The following BCL7A variants were observed in gnomAD, a reference collection of about 807,000 sequenced individuals.
BCL7A encodes B-cell CLL/lymphoma 7 protein family member A.
BCL7A carries 11 observed loss-of-function variants against 28.4 expected under a neutral mutation model. That is an observed-to-expected ratio of 0.39 (90% CI 0.24 to 0.64). The LOEUF (loss-of-function observed/expected upper bound fraction) is 0.64, where lower values mean the gene tolerates loss of function less well. BCL7A is among the 30% of genes least tolerant of loss of function. The probability of loss-of-function intolerance (pLI) is 0.50; values close to 1 mark genes in which losing one functional copy is unlikely to be tolerated. For synonymous variants in BCL7A, 123 were observed against 103.3 expected (o/e 1.19, Z -1.15); for missense variants, 222 against 274.8 (o/e 0.81, Z 1.36).
intron 1 of BCL7A, among the ~76,000 whole-genome samples, chr12:122,026,859 G>A (rs1039448427): frequency 6.6e-6 from 1 of 151,458 alleles, no homozygotes; most frequent in Non-Finnish European, 1.5e-5. Flanking sequence ...GAGAACATTC[G>A]AAATTGGCCT....
chr12:122,022,234 A>G (rs907793530), intron 1 of BCL7A, 51 bp downstream of exon 1: 30 of 1,297,212 alleles, frequency 2.3e-5, no homozygotes, highest in Non-Finnish European at 3.0e-5. Flanking sequence ...CCCGAGCCCG[A>G]GCGCGGCTCC....
rs530834811 is a variant in BCL7A at position 122,029,792 on chromosome 12, G to A, written c.93-908G>A. Among the ~76,000 whole-genome samples the A allele has an allele frequency of 2.7e-4, 41 of 152,266 alleles. No individual in the cohort carries two copies. The East Asian group carries it at 3.5e-3, about 13-fold the overall frequency. ...GGTGTGGCTGCTGGGTCTTCGTGGCGGTAAGGGACAAGTCGGAGTGCAGGG... is the reference window on the plus strand; with the variant it reads ...GGTGTGGCTGCTGGGTCTTCGTGGCAGTAAGGGACAAGTCGGAGTGCAGGG... On this transcript the variant is annotated intron_variant, in intron 1 of 5. Coordinates refer to ENST00000261822, the MANE Select transcript of BCL7A (RefSeq NM_001024808.3). This position sits in a 1 kb window ranked among gnomAD's most constrained non-coding sequence, Gnocchi z 4.3.
intron 4 of BCL7A, among the ~76,000 whole-genome samples, chr12:122,050,164 A>G (rs1304153559): frequency 6.6e-6 from 1 of 152,114 alleles, no homozygotes; most frequent in African/African-American, 2.4e-5. Flanking sequence ...TATTTTTAGC[A>G]GAGACAGGGT....
intron 3 of BCL7A, among the ~76,000 whole-genome samples, chr12:122,039,321 AT>A (rs1342363750): frequency 5.0e-4 from 73 of 147,222 alleles, no homozygotes; most frequent in Admixed American, 2.1e-3. Flanking sequence ...AAAAAAAAAA[AT>A]AATAATAATA....
intron 4 of BCL7A, 198 bp downstream of exon 4, chr12:122,044,251 G>A (rs1322697817): frequency 3.3e-6 from 2 of 614,610 alleles, no homozygotes; most frequent in Admixed American, 6.5e-5. Flanking sequence ...GCTCATGCCT[G>A]TAATCCCTGC....
rs1483785428 is a variant in BCL7A at position 122,043,449 on chromosome 12, C to T, written c.272-437C>T. Among the ~76,000 whole-genome samples, 3 of 151,558 alleles carry T rather than the reference C, an allele frequency of 2.0e-5. No individual in the cohort carries two copies. In the East Asian group the frequency reaches 5.9e-4, roughly 30 times the overall value. On this transcript the variant is annotated intron_variant, in intron 3 of 5. Coordinates refer to ENST00000261822, the MANE Select transcript of BCL7A (RefSeq NM_001024808.3). The stretch of plus-strand genomic sequence containing the variant: ...AGGGGGCGGGAGTGAGCTCAGGGGT[C>T]CCAGGAGGAGGCGTATCCAGTATCC...
At position 122,059,913 on chromosome 12, in the gene BCL7A, G is replaced by A. The variant is rs919870946; in HGVS notation, c.*750G>A. The A allele has an allele frequency of 4.3e-6, 1 of 232,724 alleles. No individual in the cohort carries two copies. 14.4% of individuals were successfully genotyped at this position (232,724 alleles called of 1,614,324 possible). A position where few individuals can be genotyped will look rare whatever the true frequency, so the allele number is the denominator to read the frequency against. The stretch of plus-strand genomic sequence containing the variant: ...GCTCTCCCCTCCTTGGGGCGTTTAG[G>A]ACTGGGCGTCTCCAAGCCCACCATG... On this transcript the variant is annotated 3_prime_UTR_variant, in exon 6 of 6. Transcript: ENST00000261822. This position sits in a 1 kb window ranked among gnomAD's most constrained non-coding sequence, Gnocchi z 4.0.
rs1271415550 is a variant in BCL7A at position 122,043,046 on chromosome 12, A to C, written c.272-840A>C. The stretch of plus-strand genomic sequence containing the variant: ...TTAAATATGATACTGACTTTAAGGG[A>C]GTGGACCACGTGTCCCGTGGAATAT... On this transcript the variant is annotated intron_variant, in intron 3 of 5. Transcript: ENST00000261822. Among the ~76,000 whole-genome samples, 7 of 149,340 alleles carry C rather than the reference A, an allele frequency of 4.7e-5. No homozygotes were observed. In the East Asian group the frequency reaches 1.4e-3, roughly 29 times the overall value.
At chr12:122,039,441 G>A (rs1439899945) in intron 3 of BCL7A, among the ~76,000 whole-genome samples, 1 of 146,274 alleles carries the variant, frequency 6.8e-6, no homozygotes, top group Admixed American at 6.9e-5. Context: ...AACAGTAATT[G>A]CACCACTGCA....
intron 5 of BCL7A, among the ~76,000 whole-genome samples, chr12:122,056,947 C>T (rs976479007): frequency 1.3e-5 from 2 of 152,226 alleles, no homozygotes; most frequent in African/African-American, 4.8e-5. Context: ...CTCGAGGCCT[C>T]TCCTCTGCAA....
Position 122,050,698 on chromosome 12 carries a change from A to T in BCL7A, c.440-4107A>T, listed in dbSNP as rs574957221. 1.2e-4 allele frequency among the ~76,000 whole-genome samples: 18 copies of T among 152,336 alleles called. No homozygotes were observed. In the East Asian group the frequency reaches 3.5e-3, roughly 29 times the overall value. On this transcript the variant is annotated intron_variant, in intron 4 of 5. Transcript: ENST00000261822. ...GGATGACCAGCTACTCGGGAGGCTA[A>T]GGTGGGAGGATCACTTGAGCCTGGG...
intron 2 of BCL7A, among the ~76,000 whole-genome samples, chr12:122,032,464 A>G (rs142893998): frequency 1.4e-4 from 21 of 152,292 alleles, no homozygotes; most frequent in Admixed American, 3.9e-4. Flanking sequence ...GGAATTTCTA[A>G]TCTCGTTTGG....
intron 4 of BCL7A, among the ~76,000 whole-genome samples, chr12:122,052,874 G>A (rs985397873): frequency 7.8e-5 from 11 of 141,636 alleles, no homozygotes; most frequent in South Asian, 2.7e-4. Context: ...TAGTCGGGGG[G>A]GGGGGGGGGT....
At chr12:122,049,069 C>CA (rs61508830) in intron 4 of BCL7A, among the ~76,000 whole-genome samples, 189 of 100,894 alleles carry the variant, frequency 1.9e-3, no homozygotes, top group African/African-American at 6.6e-3. Flanking sequence ...TACACACACA[C>CA]AAAAAAAAAT....
chr12:122,033,140 C>CTT (rs36082754), intron 2 of BCL7A, among the ~76,000 whole-genome samples: 1,624 of 141,426 alleles, frequency 0.011, 30 homozygotes, highest in African/African-American at 0.038. Flanking sequence ...ATAGAAGTCA[C>CTT]TTTTTTTTTT....
chr12:122,061,204 A>G lies in BCL7A; in HGVS notation c.*2041A>G, dbSNP rs1010822956. On this transcript the variant is annotated 3_prime_UTR_variant, in exon 6 of 6. Transcript: ENST00000261822. The stretch of plus-strand genomic sequence containing the variant: ...CTCTGTTTTTGGGAAACGAGAGGCT[A>G]CAACCAAGACAGCTGAAGGAGAATG... The G allele has an allele frequency of 1.7e-5, 4 of 228,990 alleles. No homozygotes were observed. Among genetic ancestry groups the G allele is most frequent in the African/African-American group, 2.2e-5 (1 of 45,126 alleles). The allele number at this position is 228,990 out of a possible 1,614,324, so 14.2% of individuals were successfully genotyped here.
At chr12:122,024,081 C>T (rs910587102) in intron 1 of BCL7A, among the ~76,000 whole-genome samples, 1 of 152,108 alleles carries the variant, frequency 6.6e-6, no homozygotes, top group Non-Finnish European at 1.5e-5. Context: ...CCGCGGGCCC[C>T]GGGGCGGCCG....
intron 1 of BCL7A, 123 bp from the exon 2 acceptor site, chr12:122,030,577 G>A (rs975782211): frequency 2.6e-5 from 23 of 869,420 alleles, no homozygotes; most frequent in Non-Finnish European, 4.3e-5. Context: ...TAGTGAGGGT[G>A]GAGCTGGGAT....
intron 5 of BCL7A, among the ~76,000 whole-genome samples, chr12:122,055,746 G>A (rs1462401275): frequency 6.6e-6 from 1 of 152,160 alleles, no homozygotes; most frequent in African/African-American, 2.4e-5. Flanking sequence ...AGCCTCCCAA[G>A]TAGGTGGGAT....
Sources: gnomAD v4.1 joint callset for allele counts (sites outside exome capture counted in the v4.1 genomes callset) on GRCh38, gnomAD v4.1.1 for gene constraint, Gnocchi (gnomAD v3.1) non-coding constraint, MANE v1.5 for transcripts, NCBI Gene and HGNC (gene_info 2026-07-23, HGNC 2026-07-21) for gene names.